EPHA7: variants seen among roughly 807,000 people sequenced by gnomAD.
EPHA7 encodes the protein EPH receptor A7.
In EPHA7, 25 loss-of-function variants were observed where a neutral mutation model predicts 112.6. The observed-to-expected ratio is 0.22, with a 90% CI of 0.16 to 0.31. The LOEUF (loss-of-function observed/expected upper bound fraction) is 0.31, where lower values mean the gene tolerates loss of function less well. Ranked by LOEUF, EPHA7 falls within the 10% of genes least tolerant of loss-of-function variation. EPHA7 has a pLI of 1.00. For missense variants in EPHA7, 962 were observed against 1,212.6 expected (o/e 0.79, Z 3.07); for synonymous variants, 437 against 406.5 (o/e 1.07, Z -0.90).
chr6:93,276,663 T>G (rs1771486849), intron 5 of EPHA7, among the ~76,000 whole-genome samples: 1 of 152,086 alleles, frequency 6.6e-6, no homozygotes, highest in Admixed American at 6.6e-5. Context: ...ACTGAAATTT[T>G]TATGAAATTA....
chr6:93,243,334 C>T lies in EPHA7; in HGVS notation c.*92G>A, dbSNP rs1769765004. ...TCACTGTTGGAAGGACCCAGGACAT[C>T]ACTTGTCTTCTAGCAGCATTCTATG... On this transcript the variant is annotated 3_prime_UTR_variant, in exon 17 of 17. Coordinates refer to ENST00000369303, the MANE Select transcript of EPHA7 (RefSeq NM_004440.4). 4 of 919,128 alleles carry T rather than the reference C, an allele frequency of 4.4e-6. No homozygotes were observed. In the East Asian group the frequency reaches 1.0e-4, roughly 23 times the overall value. 56.9% of individuals were successfully genotyped at this position (919,128 alleles called of 1,614,324 possible). A position where few individuals can be genotyped will look rare whatever the true frequency, so the allele number is the denominator to read the frequency against.
rs1351552549 is a variant in EPHA7, at chr6:93,245,304, G to A, written c.2876C>T (p.Thr959Ile). The A allele has an allele frequency of 1.9e-6, 3 of 1,612,474 alleles. No individual in the cohort carries two copies. The highest frequency in any genetic ancestry group is 1.7e-5 in the Admixed American group (1 of 59,964). Residue 959 changes from threonine to isoleucine, a missense_variant, in exon 16 of 17, where the codon ACT (threonine) becomes ATT (isoleucine). Thr to Ile is a moderately conservative substitution (Grantham distance 89, BLOSUM62 -1). This residue lies in a region of EPHA7 where 746 missense variants were observed against 889.2 expected (regional missense o/e 0.84). Transcript: ENST00000369303. Reference protein sequence around the residue: ...YNSLESVARMTIEDVMSLGIT... With the variant: ...YNSLESVARMIIEDVMSLGIT... ...TTTAAGAGTTTAAGCTTACTCAATA[G>A]TCATCCTGGCTACTGATTCAAGGGA...
In EPHA7 at chr6:93,419,468, TCGGCTG is replaced by T; in HGVS notation, c.-133_-128del. The T allele has an allele frequency of 4.4e-6, 3 of 685,796 alleles. No homozygotes were observed. 42.5% of individuals were successfully genotyped at this position (685,796 alleles called of 1,614,324 possible). A position where few individuals can be genotyped will look rare whatever the true frequency, so the allele number is the denominator to read the frequency against. ...ATCGATTCCCCTTCTCGGTCCCCGA[TCGGCTG>T]CTCCACGTTTAGCTTTTTTTAATTT... On this transcript the variant is annotated 5_prime_UTR_variant, in exon 1 of 17. Transcript: ENST00000369303.
At chr6:93,373,586 T>TGGAA (rs1776908214) in intron 3 of EPHA7, among the ~76,000 whole-genome samples, 1 of 152,104 alleles carries the variant, frequency 6.6e-6, no homozygotes, top group African/African-American at 2.4e-5. Flanking sequence ...TTGCCAGTTG[T>TGGAA]TTACCATATA....
chr6:93,303,443 A>G (rs1773095098), intron 5 of EPHA7, among the ~76,000 whole-genome samples: 2 of 152,134 alleles, frequency 1.3e-5, no homozygotes, highest in South Asian at 4.1e-4. Flanking sequence ...GCAAATAAAT[A>G]AAATATATGC....
rs77769060 is a variant in EPHA7 at position 93,306,649 on chromosome 6, C to T, written c.1325-34227G>A. The stretch of plus-strand genomic sequence containing the variant: ...ATGTTCAGTTTAAGTCAGTTGCTTT[C>T]ACTTTTCCTGATTTCTAAACTAAAT... On this transcript the variant is annotated intron_variant, in intron 5 of 16. Transcript: ENST00000369303. Among the ~76,000 whole-genome samples the T allele has an allele frequency of 5.0e-3, 761 of 152,090 alleles. 11 individuals are homozygous for T. The highest frequency in any genetic ancestry group is 0.018 in the African/African-American group (735 of 41,558).
At chr6:93,248,650 A>G (rs954893746) in intron 14 of EPHA7, among the ~76,000 whole-genome samples, 1 of 149,606 alleles carries the variant, frequency 6.7e-6, no homozygotes, top group Non-Finnish European at 1.5e-5. Flanking sequence ...AGGTTCTTTC[A>G]TTCTCCCTCT....
intron 5 of EPHA7, among the ~76,000 whole-genome samples, chr6:93,325,593 TA>T (rs1774279775): frequency 6.6e-6 from 1 of 151,278 alleles, no homozygotes; most frequent in Non-Finnish European, 1.5e-5. Flanking sequence ...AGAATCAAGG[TA>T]AAAATAATAG....
intron 5 of EPHA7, among the ~76,000 whole-genome samples, chr6:93,320,714 T>G (rs1253953655): frequency 6.6e-6 from 1 of 151,976 alleles, no homozygotes; most frequent in African/African-American, 2.4e-5. Context: ...ACATGAAATT[T>G]CATAAGCATT....
chr6:93,311,501 G>T (rs1419748243), intron 5 of EPHA7, among the ~76,000 whole-genome samples: 1 of 151,996 alleles, frequency 6.6e-6, no homozygotes, highest in Admixed American at 6.6e-5. Flanking sequence ...TGAGATTGTG[G>T]CAATTCAGTC....
intron 3 of EPHA7, among the ~76,000 whole-genome samples, chr6:93,398,150 A>G (rs1239267441): frequency 1.3e-5 from 2 of 151,946 alleles, no homozygotes; most frequent in Non-Finnish European, 2.9e-5. Flanking sequence ...CTATTTCTAT[A>G]TATTATTTGT....
At chr6:93,307,310 T>C (rs1420237683) in intron 5 of EPHA7, among the ~76,000 whole-genome samples, 1 of 152,024 alleles carries the variant, frequency 6.6e-6, no homozygotes, top group Non-Finnish European at 1.5e-5. Context: ...CCACATCATT[T>C]AACAGAAATA....
Position 93,263,338 on chromosome 6 carries a change from A to T in EPHA7, c.1798+522T>A, listed in dbSNP as rs1206049126. On this transcript the variant is annotated intron_variant, in intron 9 of 16. Coordinates refer to ENST00000369303, the MANE Select transcript of EPHA7 (RefSeq NM_004440.4). ...AAAATGAACTTTTAAGAATAAGCTA[A>T]CTCAAATCCATAGGAAAACATCAGA... 2.0e-5 allele frequency among the ~76,000 whole-genome samples: 3 copies of T among 151,564 alleles called. No individual in the cohort carries two copies. The East Asian group carries it at 5.8e-4, about 29-fold the overall frequency.
chr6:93,359,851 T>TA (rs922535826), intron 3 of EPHA7, among the ~76,000 whole-genome samples: 8 of 51,386 alleles, frequency 1.6e-4, no homozygotes, highest in African/African-American at 3.8e-4. Flanking sequence ...GATCAATAGA[T>TA]GATAGAGAGA....
chr6:93,282,565 G>A (rs375876439), intron 5 of EPHA7, among the ~76,000 whole-genome samples: 1 of 152,234 alleles, frequency 6.6e-6, no homozygotes, highest in Non-Finnish European at 1.5e-5. Context: ...GGAGCCCTTC[G>A]ACCTGCGGCT....
chr6:93,377,112 A>G (rs965821570), intron 3 of EPHA7, among the ~76,000 whole-genome samples: 2 of 152,218 alleles, frequency 1.3e-5, no homozygotes, highest in African/African-American at 4.8e-5. Flanking sequence ...TCTGCCCTGT[A>G]GGAAACATTT....
chr6:93,358,231 C>T (rs1776055030), intron 4 of EPHA7, 25 bp downstream of exon 4: 2 of 1,572,082 alleles, frequency 1.3e-6, no homozygotes, highest in Non-Finnish European at 1.7e-6. Context: ...ATTGGAAAGT[C>T]CTTTACTTTC....
At chr6:93,367,860 T>A (rs1449102327) in intron 3 of EPHA7, among the ~76,000 whole-genome samples, 2 of 152,146 alleles carry the variant, frequency 1.3e-5, no homozygotes, top group African/African-American at 2.4e-5. Context: ...TATTTTACAA[T>A]GTCAATTTCC....
chr6:93,314,956 G>A (rs553327405), intron 5 of EPHA7, among the ~76,000 whole-genome samples: 4 of 140,004 alleles, frequency 2.9e-5, no homozygotes, highest in African/African-American at 8.2e-5. Flanking sequence ...TCCGCCTCCC[G>A]GGTTCACGCC....
Sources: allele counts gnomAD v4.1 joint callset (sites outside exome capture counted in the v4.1 genomes callset), GRCh38; gene constraint gnomAD v4.1.1; regional missense constraint gnomAD v4.1.1; transcripts MANE v1.5; gene names NCBI Gene and HGNC (gene_info 2026-07-23, HGNC 2026-07-21).